The following PRKCH variants were observed in gnomAD, a reference collection of about 807,000 sequenced individuals.
PRKCH encodes protein kinase C eta type.
PRKCH carries 28 observed loss-of-function variants against 82.5 expected under a neutral mutation model. The observed-to-expected ratio is 0.34, with a 90% CI of 0.25 to 0.47. The LOEUF (loss-of-function observed/expected upper bound fraction) is 0.47, where lower values mean the gene tolerates loss of function less well. PRKCH is among the 20% of genes least tolerant of loss of function. The pLI, the probability that PRKCH is intolerant of heterozygous loss-of-function variation, is 1.00. For synonymous variants in PRKCH, 322 were observed against 327.4 expected, an observed-to-expected ratio of 0.98 and a Z score of 0.18; for missense variants, 705 against 881.8, an observed-to-expected ratio of 0.80 and a Z score of 2.54.
intron 1 of PRKCH, among the ~76,000 whole-genome samples, chr14:61,217,156 G>A (rs1406831812): frequency 2.0e-5 from 3 of 152,174 alleles, no homozygotes; most frequent in Admixed American, 6.5e-5. Context: ...TTGGGAGATC[G>A]AGTCATGAAG....
At chr14:61,365,635 T>A (rs567212361) in intron 1 of PRKCH, among the ~76,000 whole-genome samples, 7 of 152,196 alleles carry the variant, frequency 4.6e-5, no homozygotes, top group African/African-American at 1.7e-4. Context: ...GATTTTTTTT[T>A]AAACTGCAGG....
intron 2 of PRKCH, among the ~76,000 whole-genome samples, chr14:61,428,096 C>CACAT (rs757743902): frequency 8.0e-4 from 84 of 105,478 alleles, no homozygotes; most frequent in African/African-American, 2.9e-3. Flanking sequence ...CACACACACA[C>CACAT]ATATATATAT....
At chr14:61,530,994 A>C (rs779645970) in intron 12 of PRKCH, among the ~76,000 whole-genome samples, 13 of 152,214 alleles carry the variant, frequency 8.5e-5, no homozygotes, top group Non-Finnish European at 1.8e-4. Context: ...GGCATCTTCA[A>C]GTTGCAGGAT....
At chr14:61,505,395 CTTTTTTTTTTTTTTTTTT>C (rs60304150) in intron 10 of PRKCH, among the ~76,000 whole-genome samples, 1 of 55,738 alleles carries the variant, frequency 1.8e-5, no homozygotes, top group Admixed American at 3.0e-4. Flanking sequence ...CTTTTCTTTT[CTTTTTTTTTTTTTTTTTT>C]TTTTTTTTTT....
chr14:61,455,509 G>T (rs1043819737), intron 7 of PRKCH, among the ~76,000 whole-genome samples: 5 of 152,164 alleles, frequency 3.3e-5, no homozygotes, highest in African/African-American at 1.2e-4. Flanking sequence ...TTGAAATCCG[G>T]TCTGTCTGTC....
intron 1 of PRKCH, among the ~76,000 whole-genome samples, chr14:61,229,732 A>ACCTAAC (rs2044725618): frequency 6.6e-6 from 1 of 152,082 alleles, no homozygotes; most frequent in South Asian, 2.1e-4. Flanking sequence ...CCGACACCCC[A>ACCTAAC]CCTAACCACA....
At chr14:61,289,712 TAAAC>T (rs2045344423) in intron 1 of PRKCH, among the ~76,000 whole-genome samples, 1 of 151,864 alleles carries the variant, frequency 6.6e-6, no homozygotes, top group African/African-American at 2.4e-5. Context: ...GTCTCAAAAA[TAAAC>T]TAAGTATTGA....
At chr14:61,427,395 G>A (rs1883162552) in intron 2 of PRKCH, among the ~76,000 whole-genome samples, 1 of 152,146 alleles carries the variant, frequency 6.6e-6, no homozygotes, top group African/African-American at 2.4e-5. Context: ...ATAGACCTAG[G>A]AAAAGTGCTA....
In PRKCH at chr14:61,530,403, A is replaced by C; in HGVS notation, c.1573-4A>C. On this transcript the variant is annotated splice_polypyrimidine_tract_variant and splice_region_variant and intron_variant, in intron 11 of 13. Transcript: ENST00000332981. The stretch of plus-strand genomic sequence containing the variant: ...CACCTTCTCACGCTGCCCCCTTTGC[A>C]CAGATCCTCCAGGAAATGCTGTACG... 6.4e-7 allele frequency: 1 copy of C among 1,574,394 alleles called. No homozygotes were observed. Among genetic ancestry groups the C allele is most frequent in the Admixed American group, 1.8e-5 (1 of 55,896 alleles).
chr14:61,229,763 A>G (rs10143174), intron 1 of PRKCH, among the ~76,000 whole-genome samples: 118,609 of 151,940 alleles, frequency 0.78, 47,733 homozygotes, highest in Non-Finnish European at 0.89. Context: ...GTGGGATCTA[A>G]CCCATCGATA....
chr14:61,275,503 C>T (rs2045193883), intron 1 of PRKCH, among the ~76,000 whole-genome samples: 2 of 152,188 alleles, frequency 1.3e-5, no homozygotes, highest in Admixed American at 1.3e-4. Context: ...GAGGGCAAGG[C>T]TATTAGCTAA....
At chr14:61,508,202 T>G (rs1206208501) in intron 10 of PRKCH, among the ~76,000 whole-genome samples, 3 of 152,142 alleles carry the variant, frequency 2.0e-5, no homozygotes, top group Non-Finnish European at 4.4e-5. Context: ...TTTCCTTGAT[T>G]TAAAAAAACC....
chr14:61,372,336 C>T (rs8008467), intron 1 of PRKCH, among the ~76,000 whole-genome samples: 1,678 of 152,154 alleles, frequency 0.011, 44 homozygotes, highest in African/African-American at 0.039. Flanking sequence ...CTTGTATATA[C>T]ACATATCTGT....
chr14:61,509,520 A>G (rs1305724863), intron 10 of PRKCH, among the ~76,000 whole-genome samples: 1 of 152,132 alleles, frequency 6.6e-6, no homozygotes, highest in Non-Finnish European at 1.5e-5. Flanking sequence ...TAAATTGACG[A>G]TGTAAGATAT....
chr14:61,472,316 A>G (rs897244278), intron 9 of PRKCH, among the ~76,000 whole-genome samples: 6 of 152,246 alleles, frequency 3.9e-5, no homozygotes, highest in African/African-American at 1.4e-4. Flanking sequence ...TAATAATTAC[A>G]CTTTCACTTT....
At chr14:61,455,226 G>T (rs546942984) in intron 7 of PRKCH, among the ~76,000 whole-genome samples, 8 of 149,434 alleles carry the variant, frequency 5.4e-5, no homozygotes, top group African/African-American at 2.0e-4. Context: ...TTTTAGTAGA[G>T]ATGGGGGGTT....
chr14:61,513,170 C>T (rs575134666), intron 10 of PRKCH, among the ~76,000 whole-genome samples: 5 of 152,214 alleles, frequency 3.3e-5, no homozygotes, highest in African/African-American at 9.6e-5. Context: ...GCATCCACCA[C>T]GCGCAGAACT....
intron 1 of PRKCH, among the ~76,000 whole-genome samples, chr14:61,282,940 G>A (rs1343056566): frequency 6.6e-6 from 1 of 151,814 alleles, no homozygotes; most frequent in Admixed American, 6.6e-5. Context: ...ATAGTTCTTT[G>A]TATCATTATG....
At chr14:61,372,297 C>T (rs868052663) in intron 1 of PRKCH, among the ~76,000 whole-genome samples, 80 of 151,902 alleles carry the variant, frequency 5.3e-4, no homozygotes, top group Middle Eastern at 3.2e-3. Context: ...GTTCAGCTGA[C>T]GGAACAGAGA....
Sources: gnomAD v4.1 joint callset for allele counts (sites outside exome capture counted in the v4.1 genomes callset) on GRCh38, gnomAD v4.1.1 for gene constraint, MANE v1.5 for transcripts, NCBI Gene and HGNC (gene_info 2026-07-23, HGNC 2026-07-21) for gene names.